The following COMMD10 variants were observed in gnomAD, a reference collection of about 807,000 sequenced individuals.
COMMD10 encodes the protein COMM domain-containing protein 10.
In COMMD10, 33 loss-of-function variants were observed where a neutral mutation model predicts 28.9. That is an observed-to-expected ratio of 1.14 (90% CI 0.87 to 1.53). The LOEUF (loss-of-function observed/expected upper bound fraction) is 1.53, where lower values mean the gene tolerates loss of function less well. COMMD10 is among the 40% of genes most tolerant of loss of function. The pLI is 0.00. For missense variants in COMMD10, 310 were observed against 233.4 expected (o/e 1.33, Z -2.14); for synonymous variants, 110 against 81.7 (o/e 1.35, Z -1.87).
At chr5:116,105,070 A>G (rs979784496) in intron 4 of COMMD10, among the ~76,000 whole-genome samples, 1 of 152,250 alleles carries the variant, frequency 6.6e-6, no homozygotes, top group East Asian at 1.9e-4. Flanking sequence ...TTTTGCCCAT[A>G]CAGTATGATA....
intron 5 of COMMD10, among the ~76,000 whole-genome samples, chr5:116,142,447 C>G (rs573604589): frequency 3.2e-4 from 48 of 151,754 alleles, no homozygotes; most frequent in Middle Eastern, 3.4e-3. Flanking sequence ...TAGGGTTATT[C>G]CTCAAGAGGA....
chr5:116,184,173 CG>C (rs1748065152), intron 5 of COMMD10, among the ~76,000 whole-genome samples: 1 of 150,714 alleles, frequency 6.6e-6, no homozygotes, highest in Admixed American at 6.6e-5. Context: ...CATAATAACA[CG>C]TAGAAAAAGG....
chr5:116,146,303 T>C (rs1252445870), intron 5 of COMMD10, among the ~76,000 whole-genome samples: 2 of 151,880 alleles, frequency 1.3e-5, no homozygotes, highest in African/African-American at 2.4e-5. Context: ...CAGCATCTGC[T>C]GGAGATAGTA....
intron 5 of COMMD10, among the ~76,000 whole-genome samples, chr5:116,137,093 C>T (rs879892294): frequency 1.3e-5 from 2 of 152,086 alleles, no homozygotes; most frequent in Non-Finnish European, 2.9e-5. Context: ...CTCTTTTCCT[C>T]AATGAACTGC....
intron 5 of COMMD10, among the ~76,000 whole-genome samples, chr5:116,261,085 A>G (rs1750429953): frequency 6.6e-6 from 1 of 151,822 alleles, no homozygotes; most frequent in African/African-American, 2.4e-5. Flanking sequence ...GCCTATGGAA[A>G]TTTGTTGCTT....
chr5:116,282,834 A>G lies in COMMD10; in HGVS notation c.511-8683A>G. On this transcript the variant is annotated intron_variant, in intron 5 of 6. Transcript: ENST00000274458. ...TAATTACCTCCAAGCTCTGTCTCCAAACAAAGTCACCTCCTGTGGTACTAG... is the reference window on the plus strand; with the variant it reads ...TAATTACCTCCAAGCTCTGTCTCCAGACAAAGTCACCTCCTGTGGTACTAG... 1.3e-5 allele frequency among the ~76,000 whole-genome samples: 2 copies of G among 151,886 alleles called. 1 individual carries two copies.
At chr5:116,240,503 A>G (rs1749783606) in intron 5 of COMMD10, among the ~76,000 whole-genome samples, 1 of 152,172 alleles carries the variant, frequency 6.6e-6, no homozygotes, top group Non-Finnish European at 1.5e-5. Flanking sequence ...TTCTAGTCAA[A>G]TATTTAGGGG....
At chr5:116,179,371 C>T (rs546031948) in intron 5 of COMMD10, among the ~76,000 whole-genome samples, 1 of 152,248 alleles carries the variant, frequency 6.6e-6, no homozygotes, top group East Asian at 1.9e-4. Flanking sequence ...CCCAGAGTTA[C>T]ACTACTGGAT....
chr5:116,284,554 G>C (rs565716275), intron 5 of COMMD10, among the ~76,000 whole-genome samples: 2 of 151,674 alleles, frequency 1.3e-5, no homozygotes, highest in Admixed American at 6.6e-5. Flanking sequence ...GAAAAAAATA[G>C]GTCCAAATAG....
At chr5:116,224,321 T>C (rs1490038710) in intron 5 of COMMD10, among the ~76,000 whole-genome samples, 1 of 152,212 alleles carries the variant, frequency 6.6e-6, no homozygotes. Context: ...GTTTACTTAC[T>C]GTCTCTACAG....
intron 5 of COMMD10, among the ~76,000 whole-genome samples, chr5:116,154,125 C>G (rs1031893922): frequency 4.6e-5 from 7 of 152,060 alleles, no homozygotes; most frequent in African/African-American, 1.2e-4. Flanking sequence ...CAGCCTCAAG[C>G]TGCGTTATTA....
intron 5 of COMMD10, among the ~76,000 whole-genome samples, chr5:116,170,183 A>T (rs754010463): frequency 6.6e-6 from 1 of 152,174 alleles, no homozygotes; most frequent in Non-Finnish European, 1.5e-5. Context: ...AAGCATTCCT[A>T]TACACCAATA....
chr5:116,264,227 G>A (rs577608673), intron 5 of COMMD10, among the ~76,000 whole-genome samples: 1 of 151,830 alleles, frequency 6.6e-6, no homozygotes, highest in South Asian at 2.1e-4. Flanking sequence ...TAAAGTACAG[G>A]CCTTGGTGCT....
intron 4 of COMMD10, among the ~76,000 whole-genome samples, chr5:116,118,699 A>T (rs776444857): frequency 2.0e-5 from 3 of 152,160 alleles, no homozygotes; most frequent in Non-Finnish European, 4.4e-5. Context: ...TTCTCTTTAA[A>T]AGTGAAAATA....
In COMMD10 at chr5:116,255,559, T is replaced by G. The variant is rs140709107; in HGVS notation, c.511-35958T>G. On this transcript the variant is annotated intron_variant, in intron 5 of 6. Transcript: ENST00000274458. ...ATTTTCAAGAGAAGTAGTTGAGTCT[T>G]AGGAGTCTGCAGAAACTACTTTTAC... is the stretch of plus-strand genomic sequence containing the variant. 1.1e-3 allele frequency among the ~76,000 whole-genome samples: 164 copies of G among 151,668 alleles called. 2 individuals carry two copies. Among genetic ancestry groups the G allele is most frequent in the African/African-American group, 3.8e-3 (155 of 41,202 alleles).
chr5:116,290,082 T>A (rs913412202), intron 5 of COMMD10, among the ~76,000 whole-genome samples: 1 of 152,040 alleles, frequency 6.6e-6, no homozygotes, highest in South Asian at 2.1e-4. Flanking sequence ...ATCAGTTGTT[T>A]ACGTGCTGAT....
intron 4 of COMMD10, among the ~76,000 whole-genome samples, chr5:116,116,591 G>A (rs922053457): frequency 6.6e-6 from 1 of 152,158 alleles, no homozygotes; most frequent in African/African-American, 2.4e-5. Flanking sequence ...TATGTAAAAG[G>A]CATAGGTTTT....
chr5:116,111,675 C>T (rs1751050334), intron 4 of COMMD10, among the ~76,000 whole-genome samples: 1 of 152,032 alleles, frequency 6.6e-6, no homozygotes, highest in South Asian at 2.1e-4. Context: ...TTTGTTGAGG[C>T]TTGTTTTGTG....
At chr5:116,249,118 A>G (rs1369691783) in intron 5 of COMMD10, among the ~76,000 whole-genome samples, 2 of 151,960 alleles carry the variant, frequency 1.3e-5, no homozygotes, top group African/African-American at 4.8e-5. Context: ...CTTTAAAGTC[A>G]TATTTTTCAT....
Sources: allele counts gnomAD v4.1 joint callset (sites outside exome capture counted in the v4.1 genomes callset), GRCh38; gene constraint gnomAD v4.1.1; transcripts MANE v1.5; gene names NCBI Gene and HGNC (gene_info 2026-07-23, HGNC 2026-07-21).